MYO16: variants seen among roughly 807,000 people sequenced by gnomAD.
MYO16 encodes unconventional myosin-XVI.
In MYO16, 94 loss-of-function variants were observed where a neutral mutation model predicts 205.3. That is an observed-to-expected ratio of 0.46 (90% CI 0.39 to 0.54). MYO16 has a LOEUF of 0.54. Among genes scored for constraint, MYO16 ranks in the 20% least tolerant of loss-of-function variants. The probability of loss-of-function intolerance (pLI) is 0.00; values close to 1 mark genes in which losing one functional copy is unlikely to be tolerated. For synonymous variants in MYO16, 988 were observed against 954.0 expected, an observed-to-expected ratio of 1.04 and a Z score of -0.66; for missense variants, 2,315 against 2,387.5, an observed-to-expected ratio of 0.97 and a Z score of 0.63.
chr13:108,764,866 G>T (rs183742686), intron 4 of MYO16, among the ~76,000 whole-genome samples: 1 of 152,260 alleles, frequency 6.6e-6, no homozygotes, highest in East Asian at 1.9e-4. Context: ...GAATTTAGTA[G>T]ATTTGAAACT....
At position 108,957,646 on chromosome 13, in the gene MYO16, C is replaced by T. The variant is rs151042630; in HGVS notation, c.1926-42C>T. 4.0e-5 allele frequency: 56 copies of T among 1,410,190 alleles called. No homozygotes were observed. In the East Asian group the frequency reaches 5.3e-4, roughly 13 times the overall value. 87.4% of individuals were successfully genotyped at this position (1,410,190 alleles called of 1,614,324 possible). ...TGACTTTTAACCACAGAAGTCTGAC[C>T]GGAAGCCAGGCGATAACGTTACGTG... On this transcript the variant is annotated intron_variant, in intron 16 of 34. Coordinates refer to ENST00000457511, the MANE Select transcript of MYO16 (RefSeq NM_001198950.3).
At chr13:109,168,172 G>A (rs191376086) in intron 33 of MYO16, among the ~76,000 whole-genome samples, 1 of 152,116 alleles carries the variant, frequency 6.6e-6, no homozygotes, top group African/African-American at 2.4e-5. Context: ...ATAGGGCAAG[G>A]AGAAAGTTCT....
At chr13:109,089,865 C>A (rs1888563202) in intron 27 of MYO16, among the ~76,000 whole-genome samples, 1 of 152,174 alleles carries the variant, frequency 6.6e-6, no homozygotes, top group African/African-American at 2.4e-5. Context: ...TTCCCTCACG[C>A]TCCATTTTCA....
intron 27 of MYO16, among the ~76,000 whole-genome samples, chr13:109,081,986 A>C (rs1254176475): frequency 6.6e-6 from 1 of 152,194 alleles, no homozygotes; most frequent in Non-Finnish European, 1.5e-5. Context: ...ATTTGTTTTC[A>C]TATCATTTTC....
the MYO16 span, among the ~76,000 whole-genome samples, chr13:108,527,674 G>T: frequency 1.3e-5 from 2 of 152,302 alleles, no homozygotes; most frequent in Admixed American, 1.3e-4. Flanking sequence ...TAAAATCTCT[G>T]TGGTAATGGT....
At chr13:109,080,582 A>ACG (rs1566496409) in intron 27 of MYO16, among the ~76,000 whole-genome samples, 44 of 148,578 alleles carry the variant, frequency 3.0e-4, no homozygotes, top group African/African-American at 1.1e-3. Context: ...CCCTCTTCAA[A>ACG]AAAAAAAAAA....
At chr13:109,151,663 T>C (rs1877675028) in intron 32 of MYO16, among the ~76,000 whole-genome samples, 1 of 152,248 alleles carries the variant, frequency 6.6e-6, no homozygotes, top group Admixed American at 6.5e-5. Flanking sequence ...ATATGCACAA[T>C]TGGTACATGA....
the MYO16 span, among the ~76,000 whole-genome samples, chr13:108,547,425 G>A: frequency 6.6e-6 from 1 of 152,088 alleles, no homozygotes; most frequent in Admixed American, 6.5e-5. Context: ...GACATTTCCT[G>A]GTGTCTCGAG....
At chr13:109,092,472 A>G (rs765808003) in intron 27 of MYO16, among the ~76,000 whole-genome samples, 1 of 152,234 alleles carries the variant, frequency 6.6e-6, no homozygotes, top group Non-Finnish European at 1.5e-5. Context: ...TAGCAAACCA[A>G]CAGAGGAACA....
intron 23 of MYO16, among the ~76,000 whole-genome samples, chr13:109,045,755 C>A (rs1887020775): frequency 6.6e-6 from 1 of 152,176 alleles, no homozygotes; most frequent in Admixed American, 6.5e-5. Flanking sequence ...GATCACCCAC[C>A]TTTTCCAGGT....
rs533724168 is a variant in MYO16, at chr13:108,770,917, G to A, written c.508-14718G>A. Among the ~76,000 whole-genome samples, 6 of 152,294 alleles carry A rather than the reference G, an allele frequency of 3.9e-5. 1 individual carries two copies. The highest frequency in any genetic ancestry group is 1.4e-4 in the African/African-American group (6 of 41,564). ...GTTACAAAACAAGTTTTCTAAAATG[G>A]AGTGAGCTATAGGCTAGTGGAAATG... On this transcript the variant is annotated intron_variant, in intron 4 of 34. Transcript: ENST00000457511.
At chr13:109,031,490 C>T (rs1227313604) in intron 23 of MYO16, among the ~76,000 whole-genome samples, 1 of 152,160 alleles carries the variant, frequency 6.6e-6, no homozygotes, top group African/African-American at 2.4e-5. Flanking sequence ...TAGACCTAAA[C>T]TATTGGCACT....
chr13:109,178,059 AT>A (rs943952184), intron 33 of MYO16, among the ~76,000 whole-genome samples: 13 of 151,652 alleles, frequency 8.6e-5, no homozygotes, highest in East Asian at 1.9e-4. Flanking sequence ...CCGGAAACAC[AT>A]TTTTTTTCCA....
Position 109,100,829 on chromosome 13 carries a change from A to G in MYO16, c.3380A>G (p.Gln1127Arg), listed in dbSNP as rs757087045. The G allele has an allele frequency of 2.5e-6, 4 of 1,613,650 alleles. No individual in the cohort carries two copies. Among genetic ancestry groups the G allele is most frequent in the Non-Finnish European group, 3.4e-6 (4 of 1,179,686 alleles). The change falls in exon 28 of 35, where the codon CAG becomes CGG. Residue 1127 changes from glutamine to arginine, a missense_variant. Physicochemically the swap from Gln to Arg is conservative, Grantham distance 43. Transcript: ENST00000457511. ...ADTFLREKKE[Q>R]SAAERCRLVL... ...ACATTCCTGCGTGAGAAGAAGGAAC[A>G]GTCAGCTGCCGAGCGATGTCGACTT...
intron 27 of MYO16, chr13:109,065,447 T>A (rs1247765794): frequency 2.5e-6 from 1 of 396,586 alleles, no homozygotes; most frequent in African/African-American, 2.1e-5. Context: ...TATGTTAGTT[T>A]AATGTGTTGA....
intron 21 of MYO16, among the ~76,000 whole-genome samples, chr13:109,007,002 A>G (rs1426494174): frequency 1.3e-5 from 2 of 152,074 alleles, no homozygotes; most frequent in Non-Finnish European, 2.9e-5. Flanking sequence ...AAAGTGCTCC[A>G]TGGAAGAAGA....
intron 7 of MYO16, among the ~76,000 whole-genome samples, chr13:108,818,544 A>C (rs1205857440): frequency 6.6e-6 from 1 of 152,176 alleles, no homozygotes; most frequent in Non-Finnish European, 1.5e-5. Context: ...TTGAACTGTT[A>C]AGCAAAAATA....
chr13:109,161,569 G>A (rs1359782524), intron 32 of MYO16, among the ~76,000 whole-genome samples: 1 of 152,150 alleles, frequency 6.6e-6, no homozygotes, highest in East Asian at 1.9e-4. Context: ...TATACACCTG[G>A]GTGATGGTAA....
chr13:108,762,264 T>G (rs1885634250), intron 4 of MYO16, among the ~76,000 whole-genome samples: 1 of 136,646 alleles, frequency 7.3e-6, no homozygotes, highest in South Asian at 2.4e-4. Flanking sequence ...CTCAGGTTGA[T>G]TCCATGTCTT....
Sources: gnomAD v4.1 joint callset for allele counts (sites outside exome capture counted in the v4.1 genomes callset) on GRCh38, gnomAD v4.1.1 for gene constraint, MANE v1.5 for transcripts, NCBI Gene and HGNC (gene_info 2026-07-23, HGNC 2026-07-21) for gene names.